Variants in UBE3C observed in about 807,000 individuals in gnomAD.
The protein encoded by UBE3C is ubiquitin protein ligase E3C.
Under a neutral mutation model 129.4 loss-of-function variants are expected in UBE3C, and 42 were observed. That is an observed-to-expected ratio of 0.32 (90% CI 0.25 to 0.42). The LOEUF is 0.42. Ranked by LOEUF, UBE3C falls within the 10% of genes least tolerant of loss-of-function variation. The probability of loss-of-function intolerance (pLI) is 1.00; values close to 1 mark genes in which losing one functional copy is unlikely to be tolerated. For missense variants in UBE3C, 1,049 were observed against 1,319.1 expected, an observed-to-expected ratio of 0.80 and a Z score of 3.17; for synonymous variants, 510 against 492.4, an observed-to-expected ratio of 1.04 and a Z score of -0.47.
chr7:157,146,472 G>A (rs893702053), intron 1 of UBE3C, among the ~76,000 whole-genome samples: 1 of 151,854 alleles, frequency 6.6e-6, no homozygotes, highest in African/African-American at 2.4e-5. Context: ...CTGCCCGCCT[G>A]GGCGTCCCAA....
intron 10 of UBE3C, among the ~76,000 whole-genome samples, chr7:157,199,615 C>T (rs1299224566): frequency 2.0e-5 from 3 of 152,098 alleles, no homozygotes; most frequent in South Asian, 2.1e-4. Flanking sequence ...GGATTACAGG[C>T]GCCTGCCACC....
intron 1 of UBE3C, among the ~76,000 whole-genome samples, chr7:157,155,068 T>G (rs1463048437): frequency 6.6e-6 from 1 of 152,186 alleles, no homozygotes; most frequent in Non-Finnish European, 1.5e-5. Context: ...AAATATGATT[T>G]TTAGTGGCTG....
At chr7:157,178,585 T>C in intron 5 of UBE3C, 105 bp from the exon 6 acceptor site, 2 of 1,160,050 alleles carry the variant, frequency 1.7e-6, no homozygotes, top group Non-Finnish European at 2.4e-6. Flanking sequence ...AGAGATAATC[T>C]TGTACTGGAA....
intron 1 of UBE3C, among the ~76,000 whole-genome samples, chr7:157,155,776 A>T (rs1222250351): frequency 6.6e-6 from 1 of 152,238 alleles, no homozygotes; most frequent in Non-Finnish European, 1.5e-5. Flanking sequence ...CAGAGAAGAT[A>T]ACGATAGTAC....
At position 157,223,339 on chromosome 7, in the gene UBE3C, G is replaced by A; in HGVS notation, c.2088G>A (p.Glu696=). 1.9e-6 allele frequency: 3 copies of A among 1,613,276 alleles called. No homozygotes were observed. The highest frequency in any genetic ancestry group is 2.5e-6 in the Non-Finnish European group (3 of 1,179,672). The change falls in exon 16 of 23, where the codon GAG becomes GAA. Residue 696 remains glutamate, a synonymous_variant. Coordinates refer to ENST00000348165, the MANE Select transcript of UBE3C (RefSeq NM_014671.3). ...AGTTGCCTTTTGTGGTTCCATTTGA[G>A]GAACGAGTAAAGGTATGCAATTTGG... ...LTELPFVVPF[E]ERVKIFQRLI... is the part of the protein sequence containing the mutation.
intron 22 of UBE3C, among the ~76,000 whole-genome samples, chr7:157,259,682 T>G (rs989989712): frequency 6.6e-6 from 1 of 152,266 alleles, no homozygotes; most frequent in South Asian, 2.1e-4. Flanking sequence ...GAAAGGCACA[T>G]TTAGAGACAC....
chr7:157,143,216 C>T (rs1435474759), intron 1 of UBE3C, among the ~76,000 whole-genome samples: 1 of 152,054 alleles, frequency 6.6e-6, no homozygotes, highest in Non-Finnish European at 1.5e-5. Flanking sequence ...ATATTTCTGA[C>T]ATCGGGATAC....
chr7:157,147,657 T>C (rs1246681910), intron 1 of UBE3C, among the ~76,000 whole-genome samples: 1 of 152,236 alleles, frequency 6.6e-6, no homozygotes, highest in Non-Finnish European at 1.5e-5. Context: ...TTTCTCATCA[T>C]GAAGTATGAT....
intron 10 of UBE3C, among the ~76,000 whole-genome samples, chr7:157,201,316 C>T (rs536449808): frequency 1.3e-5 from 2 of 151,808 alleles, no homozygotes; most frequent in African/African-American, 4.8e-5. Flanking sequence ...AGAGCAAGAC[C>T]CTGTCTCAAA....
Position 157,254,328 on chromosome 7 carries a change from G to A in UBE3C, c.2950+18G>A. On this transcript the variant is annotated intron_variant, in intron 21 of 22. Coordinates refer to ENST00000348165, the MANE Select transcript of UBE3C (RefSeq NM_014671.3). Reference sequence around the variant, plus strand: ...CTATTCAGGTATGTTATCACTGCTAGTTATTGTTTCTGAAAATGTTGCAGG... The same window carrying A: ...CTATTCAGGTATGTTATCACTGCTAATTATTGTTTCTGAAAATGTTGCAGG... The A allele has an allele frequency of 1.4e-6, 2 of 1,423,514 alleles. No homozygotes were observed. The highest frequency in any genetic ancestry group is 1.5e-5 in the African/African-American group (1 of 68,396). 88.2% of individuals were successfully genotyped at this position (1,423,514 alleles called of 1,614,324 possible). A position where few individuals can be genotyped will look rare whatever the true frequency, so the allele number is the denominator to read the frequency against.
At chr7:157,236,304 G>A (rs1426426363) in intron 18 of UBE3C, among the ~76,000 whole-genome samples, 12 of 152,058 alleles carry the variant, frequency 7.9e-5, no homozygotes, top group Non-Finnish European at 1.8e-4. Context: ...TATTTATTGA[G>A]GTTAATCCTT....
chr7:157,261,225 G>C (rs2116709146), intron 22 of UBE3C, among the ~76,000 whole-genome samples: 1 of 143,190 alleles, frequency 7.0e-6, no homozygotes, highest in African/African-American at 2.5e-5. Flanking sequence ...AGAATGGCTT[G>C]AACCCGGAAG....
chr7:157,261,142 A>G (rs534730487), intron 22 of UBE3C, among the ~76,000 whole-genome samples: 1 of 151,842 alleles, frequency 6.6e-6, no homozygotes, highest in Admixed American at 6.6e-5. Context: ...GCCTCTACTA[A>G]ATACAAAAAA....
chr7:157,139,453 T>C (rs554288158), intron 1 of UBE3C, 115 bp downstream of exon 1: 14 of 590,648 alleles, frequency 2.4e-5, no homozygotes, highest in Non-Finnish European at 3.2e-5. Context: ...TGGGGCTGGA[T>C]TCGGGGCCTC....
rs990859814 is a variant in UBE3C at position 157,186,983 on chromosome 7, G to A, written c.1293G>A (p.Thr431=). ...VFTTMASVCH[T]LMVQHRMMVP... ...CCACCATGGCCTCCGTCTGCCACACGCTGATGGTGCAGCACCGCATGATGG... is the reference window on the plus strand; with the variant it reads ...CCACCATGGCCTCCGTCTGCCACACACTGATGGTGCAGCACCGCATGATGG... The change falls in exon 10 of 23, where the codon ACG becomes ACA. Residue 431 remains threonine, a synonymous_variant. Transcript: ENST00000348165. 10 of 1,611,236 alleles carry A rather than the reference G, an allele frequency of 6.2e-6. No homozygotes were observed. The highest frequency in any genetic ancestry group is 3.4e-5 in the Admixed American group (2 of 59,450).
At chr7:157,209,948 A>G (rs1338283775) in intron 13 of UBE3C, among the ~76,000 whole-genome samples, 3 of 152,226 alleles carry the variant, frequency 2.0e-5, no homozygotes, top group East Asian at 1.9e-4. Flanking sequence ...TGGGAGGCCA[A>G]GGCGGGTGGA....
intron 18 of UBE3C, among the ~76,000 whole-genome samples, chr7:157,239,396 C>T (rs931562908): frequency 4.6e-5 from 7 of 152,196 alleles, no homozygotes; most frequent in Non-Finnish European, 8.8e-5. Flanking sequence ...AGCAAAGCTC[C>T]TTGCAGTTTT....
chr7:157,178,912 C>T, intron 6 of UBE3C, 65 bp downstream of exon 6: 1 of 1,572,248 alleles, frequency 6.4e-7, no homozygotes, highest in Non-Finnish European at 8.7e-7. Flanking sequence ...AGAGGCCAGC[C>T]TGCTGCTGTG....
chr7:157,216,195 A>G (rs1795563498), intron 13 of UBE3C, among the ~76,000 whole-genome samples: 1 of 152,100 alleles, frequency 6.6e-6, no homozygotes, highest in Non-Finnish European at 1.5e-5. Flanking sequence ...TGTGACAGTG[A>G]TATCTGGGGT....
Sources: gnomAD v4.1 joint callset for allele counts (sites outside exome capture counted in the v4.1 genomes callset) on GRCh38, gnomAD v4.1.1 for gene constraint, MANE v1.5 for transcripts, NCBI Gene and HGNC (gene_info 2026-07-23, HGNC 2026-07-21) for gene names.